Variants in RWDD4 observed in about 807,000 individuals in gnomAD.
The protein encoded by RWDD4 is RWD domain containing 4.
Under a neutral mutation model 30.0 loss-of-function variants are expected in RWDD4, and 16 were observed. The ratio of observed to expected loss-of-function variants is 0.53; its 90% CI spans 0.36 to 0.81. The LOEUF (loss-of-function observed/expected upper bound fraction) is 0.81, where lower values mean the gene tolerates loss of function less well. Among genes scored for constraint, RWDD4 ranks in the 30% least tolerant of loss-of-function variants. The probability of loss-of-function intolerance (pLI) is 0.00; values close to 1 mark genes in which losing one functional copy is unlikely to be tolerated. For synonymous variants in RWDD4, 45 were observed against 72.1 expected (o/e 0.62, Z 1.90); for missense variants, 170 against 223.9 (o/e 0.76, Z 1.54).
intron 7 of RWDD4, among the ~76,000 whole-genome samples, chr4:183,643,557 A>G (rs1421762771): frequency 6.7e-6 from 1 of 150,274 alleles, no homozygotes; most frequent in Non-Finnish European, 1.5e-5. Flanking sequence ...CCACAGCTGG[A>G]AACTACTGGC....
chr4:183,649,433 A>G lies in RWDD4; in HGVS notation c.481+18T>C. ...CTGTCAAAAAAAAGAAAAGAAAAGA[A>G]AAGAAACACACACAAACCTGTTTTG... is the stretch of plus-strand genomic sequence containing the variant. On this transcript the variant is annotated intron_variant, in intron 5 of 7. Coordinates refer to ENST00000326397, the MANE Select transcript of RWDD4 (RefSeq NM_152682.4). The G allele has an allele frequency of 2.0e-6, 3 of 1,495,914 alleles. No homozygotes were observed. The African/African-American group carries it at 4.2e-5, about 21-fold the overall frequency. The allele number at this position is 1,495,914 out of a possible 1,614,324, so 92.7% of individuals were successfully genotyped here. A position where few individuals can be genotyped will look rare whatever the true frequency, so the allele number is the denominator to read the frequency against.
At chr4:183,658,823 G>A in intron 1 of RWDD4, 106 bp downstream of exon 1, 20 of 1,048,726 alleles carry the variant, frequency 1.9e-5, no homozygotes, top group Non-Finnish European at 2.3e-5. Context: ...GGCTCCGAGG[G>A]CACAGGGCAC....
intron 7 of RWDD4, among the ~76,000 whole-genome samples, chr4:183,644,262 T>C (rs570008272): frequency 6.6e-6 from 1 of 152,260 alleles, no homozygotes; most frequent in East Asian, 1.9e-4. Flanking sequence ...CAAGCATCAG[T>C]GGAGAAAGTC....
At chr4:183,646,031 G>C (rs1168724666) in intron 7 of RWDD4, among the ~76,000 whole-genome samples, 4 of 152,132 alleles carry the variant, frequency 2.6e-5, no homozygotes, top group Non-Finnish European at 5.9e-5. Context: ...AGCCTCCTGA[G>C]TAGTTGGGAC....
intron 2 of RWDD4, among the ~76,000 whole-genome samples, chr4:183,654,396 G>T (rs1734143493): frequency 6.6e-6 from 1 of 152,164 alleles, no homozygotes; most frequent in Non-Finnish European, 1.5e-5. Context: ...AAGTCAACTA[G>T]GAGGCTACCA....
In RWDD4 at chr4:183,651,041, T is replaced by G; in HGVS notation, c.306A>C (p.Glu102Asp). Residue 102 changes from glutamate to aspartate, a missense_variant, in exon 4 of 8, where the codon GAA becomes GAC. By Grantham distance (45) the Glu-to-Asp change is conservative (BLOSUM62 2). Transcript: ENST00000326397. Reference protein sequence around the residue: ...LGTAMTYTLFEYAKDNKEQFM... With the variant: ...LGTAMTYTLFDYAKDNKEQFM... ...ACTGCTCTTTATTGTCTTTGGCATA[T>G]TCAAACAATGTATAGGTCATAGCGG... 6.2e-7 allele frequency: 1 copy of G among 1,613,500 alleles called. No homozygotes were observed. The highest frequency in any genetic ancestry group is 8.5e-7 in the Non-Finnish European group (1 of 1,179,992).
intron 4 of RWDD4, among the ~76,000 whole-genome samples, chr4:183,650,474 A>T (rs1272812014): frequency 6.6e-6 from 1 of 152,234 alleles, no homozygotes; most frequent in Non-Finnish European, 1.5e-5. Flanking sequence ...GGGGCCTCAT[A>T]CACAGATGCT....
chr4:183,643,509 CCT>C (rs201611593), intron 7 of RWDD4, among the ~76,000 whole-genome samples: 1,640 of 149,386 alleles, frequency 0.011, 39 homozygotes, highest in African/African-American at 0.039. Flanking sequence ...TTGTGTACCC[CCT>C]GAGAGAGTCT....
chr4:183,645,511 G>A (rs1026275652), intron 7 of RWDD4, among the ~76,000 whole-genome samples: 1 of 151,718 alleles, frequency 6.6e-6, no homozygotes, highest in African/African-American at 2.4e-5. Context: ...GGCTGCCGCC[G>A]GCAATCCCAG....
intron 4 of RWDD4, 79 bp downstream of exon 4, chr4:183,650,905 A>G (rs1277998778): frequency 9.1e-6 from 13 of 1,430,378 alleles, no homozygotes; most frequent in Non-Finnish European, 1.2e-5. Context: ...TTGAATATAT[A>G]TTAAGTAGTA....
Position 183,640,058 on chromosome 4 carries a change from CAT to C in RWDD4, c.*1376_*1377del, listed in dbSNP as rs1430514222. On this transcript the variant is annotated 3_prime_UTR_variant, in exon 8 of 8. Coordinates refer to ENST00000326397, the MANE Select transcript of RWDD4 (RefSeq NM_152682.4). Reference sequence around the variant, plus strand: ...ATATTCCAGTGGTCCTGAATTTTAACATGTTTTGCTCTACATTAATTCAAGAA... The same window carrying C: ...ATATTCCAGTGGTCCTGAATTTTAACGTTTTGCTCTACATTAATTCAAGAA... The C allele has an allele frequency of 6.6e-6, 1 of 151,680 alleles. No homozygotes were observed. Among genetic ancestry groups the C allele is most frequent in the Non-Finnish European group, 1.5e-5 (1 of 67,966 alleles). 9.4% of individuals were successfully genotyped at this position (151,680 alleles called of 1,614,324 possible).
At chr4:183,651,717 T>G (rs1349295950) in intron 2 of RWDD4, among the ~76,000 whole-genome samples, 1 of 152,216 alleles carries the variant, frequency 6.6e-6, no homozygotes, top group Non-Finnish European at 1.5e-5. Flanking sequence ...CACCTCATCT[T>G]TGTTTTAAGT....
At chr4:183,649,303 A>G (rs1734027003) in intron 5 of RWDD4, 148 bp downstream of exon 5, 1 of 533,516 alleles carries the variant, frequency 1.9e-6, no homozygotes, top group African/African-American at 2.0e-5. Context: ...AATCCCAACT[A>G]CTCGGGAGGC....
intron 6 of RWDD4, 24 bp from the exon 7 acceptor site, chr4:183,646,377 C>T (rs1733966080): frequency 3.1e-6 from 4 of 1,310,246 alleles, no homozygotes; most frequent in Admixed American, 3.4e-5. Flanking sequence ...AGGAAACAGA[C>T]ATCCCAGTGA....
intron 2 of RWDD4, among the ~76,000 whole-genome samples, chr4:183,654,635 T>C (rs961991496): frequency 3.3e-4 from 51 of 152,290 alleles, no homozygotes; most frequent in Admixed American, 1.9e-3. Flanking sequence ...TAGGAGAGTA[T>C]AGGGAAATTC....
In RWDD4 at chr4:183,640,861, AATTT is replaced by A. The variant is rs1344235225; in HGVS notation, c.*571_*574del. The A allele has an allele frequency of 7.0e-6, 1 of 142,588 alleles. No individual in the cohort carries two copies. The highest frequency in any genetic ancestry group is 1.5e-5 in the Non-Finnish European group (1 of 65,154). The allele number at this position is 142,588 out of a possible 1,614,324, so 8.8% of individuals were successfully genotyped here. On this transcript the variant is annotated 3_prime_UTR_variant, in exon 8 of 8. Coordinates refer to ENST00000326397, the MANE Select transcript of RWDD4 (RefSeq NM_152682.4). ...CAAGAGAAAAGTATAAATAGATATT[AATTT>A]ATTAAAAGGAAGCAGTTCATCTTTC... is the stretch of plus-strand genomic sequence containing the variant.
intron 5 of RWDD4, 104 bp downstream of exon 5, chr4:183,649,347 G>T: frequency 1.5e-6 from 1 of 682,680 alleles, no homozygotes; most frequent in Admixed American, 2.4e-5. Context: ...CTGGGAGGTG[G>T]AGGCTGCAGT....
At chr4:183,655,334 C>G (rs577257287) in intron 2 of RWDD4, among the ~76,000 whole-genome samples, 1 of 150,992 alleles carries the variant, frequency 6.6e-6, no homozygotes, top group Non-Finnish European at 1.5e-5. Flanking sequence ...CTCGCTCTGT[C>G]GCAGTGGCTT....
At chr4:183,650,730 A>G (rs1734057010) in intron 4 of RWDD4, among the ~76,000 whole-genome samples, 1 of 147,522 alleles carries the variant, frequency 6.8e-6, no homozygotes, top group African/African-American at 2.6e-5. Context: ...AGGTTCTATG[A>G]TATCTCAGTT....
Sources: allele counts gnomAD v4.1 joint callset (sites outside exome capture counted in the v4.1 genomes callset), GRCh38; gene constraint gnomAD v4.1.1; transcripts MANE v1.5; gene names NCBI Gene and HGNC (gene_info 2026-07-23, HGNC 2026-07-21).